EPG5: variants seen among roughly 807,000 people sequenced by gnomAD.
The protein encoded by EPG5 is ectopic P granules protein 5 homolog.
Under a neutral mutation model 302.7 loss-of-function variants are expected in EPG5, and 159 were observed. The observed-to-expected ratio is 0.53, with a 90% CI of 0.46 to 0.60. EPG5 has a LOEUF of 0.60. EPG5 is among the 20% of genes least tolerant of loss of function. The pLI is 0.00. For missense variants in EPG5, 2,896 were observed against 3,092.4 expected, an observed-to-expected ratio of 0.94 and a Z score of 1.51; for synonymous variants, 1,158 against 1,136.8, an observed-to-expected ratio of 1.02 and a Z score of -0.37.
At chr18:45,840,153 C>T in the EPG5 span, 7 of 1,597,600 alleles carry the variant, frequency 4.4e-6, no homozygotes, top group Middle Eastern at 1.7e-4. Context: ...GGGGTGGGCG[C>T]ACAGGCTGCA....
At chr18:45,841,999 T>C in the EPG5 span, 1 of 1,043,250 alleles carries the variant, frequency 9.6e-7, no homozygotes, top group Non-Finnish European at 1.5e-6. Context: ...CCAGCCGCAC[T>C]GCTCCCCAGA....
At chr18:45,823,635 AT>A in the EPG5 span, among the ~76,000 whole-genome samples, 2 of 152,044 alleles carry the variant, frequency 1.3e-5, no homozygotes, top group Non-Finnish European at 2.9e-5. Flanking sequence ...TTCTTTTATT[AT>A]TTTTTTATTC....
chr18:45,865,765 C>CAAAAAAAAAAAAAA lies in EPG5; in HGVS notation c.6622-20_6622-7dup, dbSNP rs11333207. The CAAAAAAAAAAAAAA allele has an allele frequency of 9.2e-6, 13 of 1,411,822 alleles. No homozygotes were observed. Among genetic ancestry groups the CAAAAAAAAAAAAAA allele is most frequent in the Middle Eastern group, 2.3e-4 (1 of 4,396 alleles). 87.5% of individuals were successfully genotyped at this position (1,411,822 alleles called of 1,614,324 possible). A position where few individuals can be genotyped will look rare whatever the true frequency, so the allele number is the denominator to read the frequency against. Reference sequence around the variant, plus strand: ...TGGCATTTTGGAACTGCATCCTGACCAAAAAAAAAAAAAAAAATCATTCAA... The same window carrying CAAAAAAAAAAAAAA: ...TGGCATTTTGGAACTGCATCCTGACCAAAAAAAAAAAAAAAAAAAAAAAAAAAAAAATCATTCAA... On this transcript the variant is annotated splice_region_variant and splice_polypyrimidine_tract_variant and intron_variant, in intron 38 of 43. Coordinates refer to ENST00000282041, the MANE Select transcript of EPG5 (RefSeq NM_020964.3).
At chr18:45,845,686 TC>T (rs966312367), downstream of EPG5, among the ~76,000 whole-genome samples, 1 of 152,200 alleles carries the variant, frequency 6.6e-6, no homozygotes, top group African/African-American at 2.4e-5. Flanking sequence ...AGATTGGACT[TC>T]CTGTTGTAGT....
At chr18:45,812,737 T>A in the EPG5 span, among the ~76,000 whole-genome samples, 1 of 152,166 alleles carries the variant, frequency 6.6e-6, no homozygotes, top group East Asian at 1.9e-4. Context: ...TGAAACTGGA[T>A]CCCTTCCTTA....
At chr18:45,900,514 TCAA>T (rs2049588793) in intron 26 of EPG5, among the ~76,000 whole-genome samples, 1 of 152,188 alleles carries the variant, frequency 6.6e-6, no homozygotes. Flanking sequence ...TCACAAGATC[TCAA>T]GTTAGATCAA....
chr18:45,801,468 G>A, the EPG5 span, among the ~76,000 whole-genome samples: 1 of 152,178 alleles, frequency 6.6e-6, no homozygotes, highest in African/African-American at 2.4e-5. Flanking sequence ...GGGTGCTGGT[G>A]AGCAAAACTT....
In EPG5 at chr18:45,858,873, T is replaced by C. The variant is rs191442432; in HGVS notation, c.7010-91A>G. 1.1e-4 allele frequency: 106 copies of C among 970,012 alleles called. No homozygotes were observed. In the African/African-American group the frequency reaches 1.6e-3, roughly 15 times the overall value. 60.1% of individuals were successfully genotyped at this position (970,012 alleles called of 1,614,324 possible). A position where few individuals can be genotyped will look rare whatever the true frequency, so the allele number is the denominator to read the frequency against. On this transcript the variant is annotated intron_variant, in intron 40 of 43. Coordinates refer to ENST00000282041, the MANE Select transcript of EPG5 (RefSeq NM_020964.3). ...ATATTTTCACTTTAAGCTTCATGATTTTTTTTTTTGACATAGCAACCTATG... is the reference window on the plus strand; with the variant it reads ...ATATTTTCACTTTAAGCTTCATGATCTTTTTTTTTGACATAGCAACCTATG...
intron 17 of EPG5, among the ~76,000 whole-genome samples, chr18:45,917,449 T>G (rs530432031): frequency 6.6e-6 from 1 of 152,226 alleles, no homozygotes; most frequent in Admixed American, 6.5e-5. Context: ...CAATTCAAAG[T>G]TATAATAAAT....
chr18:45,834,615 G>A, the EPG5 span, among the ~76,000 whole-genome samples: 1 of 152,236 alleles, frequency 6.6e-6, no homozygotes, highest in Non-Finnish European at 1.5e-5. Context: ...AGACTGTAGT[G>A]TAATTATGTG....
chr18:45,954,005 T>C (rs141045023), intron 2 of EPG5: 10 of 699,618 alleles, frequency 1.4e-5, no homozygotes, highest in African/African-American at 7.7e-5. Context: ...TGGCCTACAC[T>C]GTCTGTATGT....
rs115834486 is a variant in EPG5 at position 45,926,331 on chromosome 18, G to C, written c.2554-429C>G. ...TCCAGGCCGGGGGTGGGGTGAGTGG[G>C]AGGGTGGTAAGATGAAACAAGATCA... On this transcript the variant is annotated intron_variant, in intron 13 of 43. Transcript: ENST00000282041. Among the ~76,000 whole-genome samples, 1,420 of 152,256 alleles carry C rather than the reference G, an allele frequency of 9.3e-3. 23 individuals are homozygous for C. The highest frequency in any genetic ancestry group is 0.033 in the African/African-American group (1,353 of 41,546).
the EPG5 span, chr18:45,837,581 GT>G: frequency 6.6e-7 from 1 of 1,515,468 alleles, no homozygotes; most frequent in South Asian, 1.2e-5. Context: ...CGACGCGGCA[GT>G]GCTGCCCTGC....
chr18:45,948,268 T>C (rs1482460491), intron 6 of EPG5, among the ~76,000 whole-genome samples: 1 of 152,238 alleles, frequency 6.6e-6, no homozygotes, highest in Non-Finnish European at 1.5e-5. Flanking sequence ...CCTTTCACAA[T>C]AGTATATATG....
Position 45,915,433 on chromosome 18 carries a change from T to C in EPG5, c.3693+78A>G, listed in dbSNP as rs2050006325. 3.0e-6 allele frequency: 3 copies of C among 1,014,144 alleles called. No homozygotes were observed. The South Asian group carries it at 4.2e-5, about 14-fold the overall frequency. The allele number at this position is 1,014,144 out of a possible 1,614,324, so 62.8% of individuals were successfully genotyped here. A position where few individuals can be genotyped will look rare whatever the true frequency, so the allele number is the denominator to read the frequency against. On this transcript the variant is annotated intron_variant, in intron 20 of 43. Transcript: ENST00000282041. ...CTAAATAAAAGTTAGTTTAGACAAT[T>C]AGTAATTTCTTTGTAAGGATGATCA...
chr18:45,881,085 G>A (rs143529801), intron 31 of EPG5, among the ~76,000 whole-genome samples: 3 of 152,208 alleles, frequency 2.0e-5, no homozygotes, highest in Admixed American at 2.0e-4. Context: ...GCTCCCAAGG[G>A]AACATCAACA....
the EPG5 span, chr18:45,837,941 C>A: frequency 9.1e-6 from 13 of 1,432,122 alleles, no homozygotes; most frequent in Non-Finnish European, 1.2e-5. Context: ...TTCCCGCCCT[C>A]CCGCCTGCCC....
intron 6 of EPG5, 95 bp downstream of exon 6, chr18:45,948,408 G>T: frequency 1.1e-6 from 1 of 947,554 alleles, no homozygotes; most frequent in Non-Finnish European, 1.7e-6. Flanking sequence ...ACTTCCCTTA[G>T]CTGTTCTTCT....
At chr18:45,931,378 C>T (rs993025077) in intron 11 of EPG5, among the ~76,000 whole-genome samples, 2 of 152,106 alleles carry the variant, frequency 1.3e-5, no homozygotes, top group African/African-American at 4.8e-5. Context: ...TAATGAATGT[C>T]ATAAACGATA....
Sources: gnomAD v4.1 joint callset for allele counts (sites outside exome capture counted in the v4.1 genomes callset) on GRCh38, gnomAD v4.1.1 for gene constraint, MANE v1.5 for transcripts, NCBI Gene and HGNC (gene_info 2026-07-23, HGNC 2026-07-21) for gene names.